OSBPL10: variants seen among roughly 807,000 people sequenced by gnomAD.
OSBPL10 encodes the protein oxysterol binding protein like 10.
In OSBPL10, 49 loss-of-function variants were observed where a neutral mutation model predicts 81.7. The ratio of observed to expected loss-of-function variants is 0.60; its 90% confidence interval spans 0.48 to 0.76. The LOEUF (loss-of-function observed/expected upper bound fraction) is 0.76, where lower values mean the gene tolerates loss of function less well. Ranked by LOEUF, OSBPL10 falls within the 30% of genes least tolerant of loss-of-function variation. The pLI is 0.00. For missense variants in OSBPL10, 923 were observed against 987.8 expected (o/e 0.93, Z 0.88); for synonymous variants, 419 against 383.6 (o/e 1.09, Z -1.08).
At position 31,905,345 on chromosome 3, in the gene OSBPL10, A is replaced by ATTTTTTTTTTTTTTTTTTTTTTTTTT. The variant is rs386396290; in HGVS notation, c.282-25516_282-25515insAAAAAAAAAAAAAAAAAAAAAAAAAA. On this transcript the variant is annotated intron_variant, in intron 1 of 11. Coordinates refer to ENST00000396556, the MANE Select transcript of OSBPL10 (RefSeq NM_017784.5). Reference sequence around the variant, plus strand: ...GAGCTCTATGTCAAGGAACCTGGTGATTTTTTTTTTTTTTTTTTTTTTTAG... The same window carrying ATTTTTTTTTTTTTTTTTTTTTTTTTT: ...GAGCTCTATGTCAAGGAACCTGGTGATTTTTTTTTTTTTTTTTTTTTTTTTTTTTTTTTTTTTTTTTTTTTTTTTAG... Among the ~76,000 whole-genome samples, 10 of 94,816 alleles carry ATTTTTTTTTTTTTTTTTTTTTTTTTT rather than the reference A, an allele frequency of 1.1e-4. 2 individuals carry two copies. The highest frequency in any genetic ancestry group is 7.8e-4 in the South Asian group (2 of 2,576). 62.2% of individuals were successfully genotyped at this position (94,816 alleles called of 152,430 possible). A position where few individuals can be genotyped will look rare whatever the true frequency, so the allele number is the denominator to read the frequency against.
intron 1 of OSBPL10, among the ~76,000 whole-genome samples, chr3:31,979,347 G>T (rs1336620909): frequency 6.6e-6 from 1 of 152,154 alleles, no homozygotes; most frequent in East Asian, 1.9e-4. Context: ...GACTCAGAAA[G>T]TCCTATATGT....
intron 3 of OSBPL10, among the ~76,000 whole-genome samples, chr3:31,847,663 CA>C (rs1026053774): frequency 2.6e-5 from 4 of 152,058 alleles, no homozygotes; most frequent in African/African-American, 9.7e-5. Context: ...AGAGAGAATA[CA>C]TTTTGAGTCA....
At chr3:31,910,121 G>A (rs1268951922) in intron 1 of OSBPL10, among the ~76,000 whole-genome samples, 1 of 151,674 alleles carries the variant, frequency 6.6e-6, no homozygotes, top group Non-Finnish European at 1.5e-5. Flanking sequence ...ATCTGGGACT[G>A]CAGGAACACG....
intron 2 of OSBPL10, among the ~76,000 whole-genome samples, chr3:31,877,193 T>G (rs1575595458): frequency 1.3e-5 from 2 of 152,314 alleles, no homozygotes; most frequent in African/African-American, 4.8e-5. Context: ...GCTGAGCCAC[T>G]GCACCCGGCC....
intron 2 of OSBPL10, among the ~76,000 whole-genome samples, chr3:32,004,293 G>A (rs1281838077): frequency 2.6e-5 from 4 of 152,098 alleles, no homozygotes; most frequent in Non-Finnish European, 4.4e-5. Context: ...TGGACCTGGA[G>A]GGCCTCCAGC....
chr3:31,811,300 G>A (rs964384189), intron 4 of OSBPL10, among the ~76,000 whole-genome samples: 5 of 152,314 alleles, frequency 3.3e-5, no homozygotes, highest in East Asian at 1.9e-4. Flanking sequence ...TGGGAAGGGC[G>A]GGGCCCTTTG....
Position 31,716,040 on chromosome 3 carries a change from C to T in OSBPL10, c.1096-13532G>A, listed in dbSNP as rs150207075. 1.1e-4 allele frequency among the ~76,000 whole-genome samples: 17 copies of T among 152,162 alleles called. No individual in the cohort carries two copies. In the East Asian group the frequency reaches 1.4e-3, roughly 12 times the overall value. Reference sequence around the variant, plus strand: ...GCACTGTGGGAATGCAGAGTGGCAGCGGGAAAGGCTCTAAATTAGGTCTAC... The same window carrying T: ...GCACTGTGGGAATGCAGAGTGGCAGTGGGAAAGGCTCTAAATTAGGTCTAC... On this transcript the variant is annotated intron_variant, in intron 6 of 11. Transcript: ENST00000396556.
chr3:31,996,444 C>G (rs764761163), intron 2 of OSBPL10, among the ~76,000 whole-genome samples: 1 of 152,096 alleles, frequency 6.6e-6, no homozygotes, highest in Non-Finnish European at 1.5e-5. Flanking sequence ...TTCTCTGCAT[C>G]TAAATATGAG....
In OSBPL10 at chr3:31,670,978, A is replaced by G; in HGVS notation, c.1732T>C (p.Leu578=). Residue 578 remains leucine (L), a synonymous_variant, in exon 9 of 12, where the codon TTG becomes CTG. Transcript: ENST00000396556. ...VGVSMIGEGV[L]RLLEHGEEYV... is the part of the protein sequence containing the mutation. ...TCCTCCCCGTGTTCCAGGAGCCTCA[A>G]CACACCTCCAGGGAGAGAGGAGGGA... The G allele has an allele frequency of 6.2e-7, 1 of 1,611,366 alleles. No homozygotes were observed. The highest frequency in any genetic ancestry group is 1.7e-4 in the Middle Eastern group (1 of 6,048).
intron 2 of OSBPL10, among the ~76,000 whole-genome samples, chr3:32,013,512 C>A (rs1485525410): frequency 6.6e-6 from 1 of 152,080 alleles, no homozygotes; most frequent in Non-Finnish European, 1.5e-5. Flanking sequence ...AAAATTGACA[C>A]CCTAACATCA....
chr3:32,038,220 G>A lies in OSBPL10; in HGVS notation n.298+8271C>T, dbSNP rs371460817. 6.6e-5 allele frequency among the ~76,000 whole-genome samples: 10 copies of A among 152,296 alleles called. No individual in the cohort carries two copies. In the East Asian group the frequency reaches 7.7e-4, roughly 12 times the overall value. Reference sequence around the variant, plus strand: ...TGCATACAATACATGCTACAACACAGGCGAGCCCCAAAAACATTACGGCCA... The same window carrying A: ...TGCATACAATACATGCTACAACACAAGCGAGCCCCAAAAACATTACGGCCA... On this transcript the variant is annotated intron_variant and non_coding_transcript_variant, in intron 2 of 3. Coordinates refer to the OSBPL10 transcript ENST00000479173.
At chr3:31,818,275 C>G (rs1184768589) in intron 4 of OSBPL10, among the ~76,000 whole-genome samples, 1 of 152,158 alleles carries the variant, frequency 6.6e-6, no homozygotes, top group African/African-American at 2.4e-5. Context: ...CTGACCTCCT[C>G]TTGAGCAAGA....
At chr3:31,663,862 G>A in intron 11 of OSBPL10, 5 of 1,432,318 alleles carry the variant, frequency 3.5e-6, no homozygotes, top group Non-Finnish European at 4.6e-6. Flanking sequence ...AGTGTCAGTT[G>A]CTCAGTTCTG....
At chr3:31,857,208 T>G (rs1008754126) in intron 3 of OSBPL10, among the ~76,000 whole-genome samples, 1 of 150,624 alleles carries the variant, frequency 6.6e-6, no homozygotes, top group South Asian at 2.1e-4. Context: ...CACCGGAGGG[T>G]TTTGTCAAGG....
intron 3 of OSBPL10, among the ~76,000 whole-genome samples, chr3:31,849,457 A>G (rs1401673363): frequency 1.3e-5 from 2 of 152,142 alleles, no homozygotes; most frequent in Admixed American, 6.5e-5. Flanking sequence ...GCACACAAAG[A>G]CAGGACTAGA....
At chr3:31,881,581 G>A (rs1695579626) in intron 1 of OSBPL10, among the ~76,000 whole-genome samples, 2 of 152,156 alleles carry the variant, frequency 1.3e-5, no homozygotes, top group South Asian at 4.1e-4. Flanking sequence ...GCAATGTCCA[G>A]TATGATTCCA....
intron 4 of OSBPL10, among the ~76,000 whole-genome samples, chr3:31,792,860 CTGTGTGTGTGTGTGTGTGTG>C (rs6147757): frequency 0.028 from 3,576 of 126,726 alleles, 66 homozygotes; most frequent in African/African-American, 0.049. Context: ...TCTAGGCACT[CTGTGTGTGTGTGTGTGTGTG>C]TGTGTGTGTG....
intron 4 of OSBPL10, among the ~76,000 whole-genome samples, chr3:31,819,632 G>A (rs962126455): frequency 2.0e-5 from 3 of 152,142 alleles, no homozygotes; most frequent in Admixed American, 6.5e-5. Context: ...AGCCACTGCC[G>A]CCCCAGCTCC....
At chr3:32,066,454 G>T (rs1699781398) in intron 1 of OSBPL10, 1 of 152,154 alleles carries the variant, frequency 6.6e-6, no homozygotes, top group Non-Finnish European at 1.5e-5. Context: ...GATCACCATG[G>T]TCCCGTTGAA....
Sources: allele counts gnomAD v4.1 joint callset (sites outside exome capture counted in the v4.1 genomes callset), GRCh38; gene constraint gnomAD v4.1.1; transcripts MANE v1.5; gene names NCBI Gene and HGNC (gene_info 2026-07-23, HGNC 2026-07-21).